STAC3: variants seen among roughly 807,000 people sequenced by gnomAD.
STAC3 encodes the protein SH3 and cysteine rich domain 3, also known as SH3 and cysteine-rich domain-containing protein 3.
A neutral mutation model predicts 48.5 loss-of-function variants in STAC3; 30 were observed. The ratio of observed to expected loss-of-function variants is 0.62; its 90% CI spans 0.46 to 0.84. The LOEUF (loss-of-function observed/expected upper bound fraction) is 0.84, where lower values mean the gene tolerates loss of function less well. STAC3 is among the 40% of genes least tolerant of loss of function. The probability of loss-of-function intolerance (pLI) is 0.00; values close to 1 mark genes in which losing one functional copy is unlikely to be tolerated. For missense variants in STAC3, 419 were observed against 462.6 expected, an observed-to-expected ratio of 0.91 and a Z score of 0.86; for synonymous variants, 144 against 158.6, an observed-to-expected ratio of 0.91 and a Z score of 0.69.
rs768113914 is a variant in STAC3 at position 57,249,106 on chromosome 12, T to C, written c.269A>G (p.His90Arg). 1 of 1,612,494 alleles carries C rather than the reference T, an allele frequency of 6.2e-7. No homozygotes were observed. Among genetic ancestry groups the C allele is most frequent in the Non-Finnish European group, 8.5e-7 (1 of 1,179,274 alleles). The change falls in exon 3 of 12, where the codon CAC (histidine) becomes CGC (arginine). Residue 90 changes from histidine (H) to arginine (R), a missense_variant. His to Arg is a conservative substitution (Grantham distance 29, BLOSUM62 0). Transcript: ENST00000332782. ...EPPKLVNDKP[H>R]KFKDHFFKKP... is the part of the protein sequence containing the mutation. ...CTTGAAGAAGTGATCTTTGAATTTG[T>C]GGGGCTTATCGTTGACCAGCTTAGG...
At chr12:57,248,375 C>CACT in intron 4 of STAC3, 177 bp from the exon 5 acceptor site, 1 of 577,146 alleles carries the variant, frequency 1.7e-6, no homozygotes, top group Non-Finnish European at 3.1e-6. Context: ...GACATGTCCC[C>CACT]TCTTTTTTTT....
intron 6 of STAC3, among the ~76,000 whole-genome samples, chr12:57,246,391 CT>C (rs35690784): frequency 2.8e-4 from 38 of 136,840 alleles, no homozygotes; most frequent in African/African-American, 2.9e-4. Flanking sequence ...TCCTTCCTTC[CT>C]TTTTTTTTTT....
In STAC3 at chr12:57,243,784, T is replaced by A; in HGVS notation, c.*28A>T. 6.2e-7 allele frequency: 1 copy of A among 1,601,654 alleles called. No homozygotes were observed. ...GGGCCCGCCCAGAATGGGGTGTGGGTGTCTCCCGCTTGCAGGCGCCCGCAC... is the reference window on the plus strand; with the variant it reads ...GGGCCCGCCCAGAATGGGGTGTGGGAGTCTCCCGCTTGCAGGCGCCCGCAC... On this transcript the variant is annotated 3_prime_UTR_variant, in exon 12 of 12. Coordinates refer to ENST00000332782, the MANE Select transcript of STAC3 (RefSeq NM_145064.3).
chr12:57,248,816 G>T lies in STAC3; in HGVS notation c.335-13C>A. The T allele has an allele frequency of 1.2e-6, 2 of 1,609,454 alleles. No individual in the cohort carries two copies. Among genetic ancestry groups the T allele is most frequent in the Non-Finnish European group, 1.7e-6 (2 of 1,175,836 alleles). On this transcript the variant is annotated splice_polypyrimidine_tract_variant and intron_variant, in intron 3 of 11. Transcript: ENST00000332782. ...AACTTGTTGTTGACTTGGGAAAGGGGGAGAAAATTCAGATAAGGTTCCAGA... is the reference window on the plus strand; with the variant it reads ...AACTTGTTGTTGACTTGGGAAAGGGTGAGAAAATTCAGATAAGGTTCCAGA...
intron 1 of STAC3, among the ~76,000 whole-genome samples, chr12:57,250,322 G>A (rs1367717944): frequency 2.0e-5 from 3 of 150,392 alleles, no homozygotes; most frequent in Non-Finnish European, 4.4e-5. Context: ...CCCGGGAGGC[G>A]GAGGTTGCAG....
chr12:57,244,751 A>C, intron 8 of STAC3, 129 bp from the exon 9 acceptor site: 2 of 1,396,584 alleles, frequency 1.4e-6, no homozygotes, highest in Admixed American at 3.5e-5. Flanking sequence ...AACTGAGAGA[A>C]GTGTTTTGGT....
At position 57,243,917 on chromosome 12, in the gene STAC3, GA is replaced by G; in HGVS notation, c.997-8del. The G allele has an allele frequency of 6.2e-7, 1 of 1,613,642 alleles. No individual in the cohort carries two copies. The highest frequency in any genetic ancestry group is 1.1e-5 in the South Asian group (1 of 91,004). ...CTCCTTTCTGCACCACGATCTAGAA[GA>G]TTAAAGGATCAGAAGTAGGAGAGGA... On this transcript the variant is annotated splice_polypyrimidine_tract_variant and splice_region_variant and intron_variant, in intron 11 of 11. Coordinates refer to ENST00000332782, the MANE Select transcript of STAC3 (RefSeq NM_145064.3).
In STAC3 at chr12:57,244,569, G is replaced by C. The variant is rs922499167; in HGVS notation, c.774C>G (p.Phe258Leu). Residue 258 changes from phenylalanine to leucine, a missense_variant, in exon 9 of 12, where the codon TTC (phenylalanine) becomes TTG (leucine). Coordinates refer to ENST00000332782, the MANE Select transcript of STAC3 (RefSeq NM_145064.3). ...QSHYFVALYR[F>L]KALEKDDLDF... ...CCAGATCGTCCTTCTCCAGGGCTTT[G>C]AACCGATAGAGAGCCACAAAGTAAT... The C allele has an allele frequency of 1.9e-6, 3 of 1,614,088 alleles. No homozygotes were observed. The African/African-American group carries it at 4.0e-5, about 22-fold the overall frequency.
intron 5 of STAC3, among the ~76,000 whole-genome samples, chr12:57,247,846 T>A (rs1450956063): frequency 2.0e-5 from 3 of 152,128 alleles, no homozygotes; most frequent in African/African-American, 7.2e-5. Flanking sequence ...TAGAAATGAT[T>A]TTGCACACAA....
At chr12:57,245,040 G>T in intron 7 of STAC3, 75 bp from the exon 8 acceptor site, 2 of 1,602,938 alleles carry the variant, frequency 1.2e-6, no homozygotes, top group Non-Finnish European at 1.7e-6. Flanking sequence ...TTGTGGAAGG[G>T]CCTCGTCTAT....
At chr12:57,248,093 C>T (rs779646609) in intron 5 of STAC3, 33 bp downstream of exon 5, 3 of 1,579,592 alleles carry the variant, frequency 1.9e-6, no homozygotes, top group Non-Finnish European at 2.6e-6. Flanking sequence ...TCTAGGCTTG[C>T]CCATTCCCTC....
intron 8 of STAC3, 128 bp downstream of exon 8, chr12:57,244,788 G>A (rs904293581): frequency 7.3e-7 from 1 of 1,369,546 alleles, no homozygotes; most frequent in East Asian, 2.3e-5. Context: ...AGTTGATGGA[G>A]AGTGTGGGTC....
At chr12:57,243,996 T>C in intron 11 of STAC3, 86 bp from the exon 12 acceptor site, 30 of 1,607,710 alleles carry the variant, frequency 1.9e-5, no homozygotes, top group Non-Finnish European at 2.6e-5. Context: ...TTACAGGGGC[T>C]CACCCTAGTC....
intron 5 of STAC3, 34 bp from the exon 6 acceptor site, chr12:57,246,935 G>A: frequency 1.3e-6 from 2 of 1,597,294 alleles, no homozygotes; most frequent in African/African-American, 1.3e-5. Flanking sequence ...AGACATTATT[G>A]GGAAGGCAGA....
At chr12:57,245,464 A>G (rs927398754) in intron 6 of STAC3, among the ~76,000 whole-genome samples, 2 of 148,940 alleles carry the variant, frequency 1.3e-5, no homozygotes, top group Non-Finnish European at 3.0e-5. Flanking sequence ...CTCCGCCTCC[A>G]GGTTCACGCC....
In STAC3 at chr12:57,249,074, T is replaced by G; in HGVS notation, c.301A>C (p.Lys101Gln). Reference protein sequence around the residue: ...KFKDHFFKKPKFCDVCARMIV... With the variant: ...KFKDHFFKKPQFCDVCARMIV... The stretch of plus-strand genomic sequence containing the variant: ...ATCCGGGCACAGACATCACAGAACT[T>G]TGGCTTCTTGAAGAAGTGATCTTTG... Residue 101 changes from lysine to glutamine, a missense_variant, in exon 3 of 12, where the codon AAG (lysine) becomes CAG (glutamine). Transcript: ENST00000332782. 6.2e-7 allele frequency: 1 copy of G among 1,607,606 alleles called. No homozygotes were observed. The highest frequency in any genetic ancestry group is 8.5e-7 in the Non-Finnish European group (1 of 1,176,462).
rs1027548586 is a variant in STAC3 at position 57,249,205 on chromosome 12, C to G, written c.170G>C (p.Gly57Ala). The stretch of plus-strand genomic sequence containing the variant: ...CTCATAGATGTAGTAGATGGGCCCA[C>G]CCCCAGCTCCCACTGCCTCCCCATT... ...QANGEAVGAG[G>A]GPIYYIYEEE... Residue 57 changes from glycine (G) to alanine (A), a missense_variant, in exon 3 of 12, where the codon GGT becomes GCT. Transcript: ENST00000332782. 2.5e-5 allele frequency: 41 copies of G among 1,614,050 alleles called. No individual in the cohort carries two copies. Among genetic ancestry groups the G allele is most frequent in the Non-Finnish European group, 3.3e-5 (39 of 1,180,016 alleles).
Position 57,249,369 on chromosome 12 carries a change from G to A in STAC3, c.67-61C>T, listed in dbSNP as rs569923949. 50 of 1,527,036 alleles carry A rather than the reference G, an allele frequency of 3.3e-5. No homozygotes were observed. In the East Asian group the frequency reaches 1.1e-3, roughly 33 times the overall value. The allele number at this position is 1,527,036 out of a possible 1,614,324, so 94.6% of individuals were successfully genotyped here. A position where few individuals can be genotyped will look rare whatever the true frequency, so the allele number is the denominator to read the frequency against. On this transcript the variant is annotated intron_variant, in intron 2 of 11. Coordinates refer to ENST00000332782, the MANE Select transcript of STAC3 (RefSeq NM_145064.3). Reference sequence around the variant, plus strand: ...GGACTTGTCACCCTCTCTAGAGTAGGGGGGCGCTAGAGCAAACTAGACAGT... The same window carrying A: ...GGACTTGTCACCCTCTCTAGAGTAGAGGGGCGCTAGAGCAAACTAGACAGT...
At chr12:57,244,724 T>C (rs905877715) in intron 8 of STAC3, 102 bp from the exon 9 acceptor site, 11 of 1,457,080 alleles carry the variant, frequency 7.5e-6, no homozygotes, top group Non-Finnish European at 1.1e-5. Flanking sequence ...ACACTCCAAC[T>C]CTCTTCTAGG....
Sources: gnomAD v4.1 joint callset for allele counts (sites outside exome capture counted in the v4.1 genomes callset) on GRCh38, gnomAD v4.1.1 for gene constraint, MANE v1.5 for transcripts, NCBI Gene and HGNC (gene_info 2026-07-23, HGNC 2026-07-21) for gene names.